Variants in AFF3 observed in about 807,000 individuals in gnomAD.
The protein encoded by AFF3 is AF4/FMR2 family member 3.
A neutral mutation model predicts 129.7 loss-of-function variants in AFF3; 32 were observed. The ratio of observed to expected loss-of-function variants is 0.25; its 90% CI spans 0.19 to 0.33. The LOEUF is 0.33. Ranked by LOEUF, AFF3 falls within the 10% of genes least tolerant of loss-of-function variation. The pLI is 1.00. For synonymous variants in AFF3, 644 were observed against 635.4 expected (o/e 1.01, Z -0.20); for missense variants, 1,373 against 1,592.0 (o/e 0.86, Z 2.34).
intron 17 of AFF3, among the ~76,000 whole-genome samples, chr2:99,581,729 T>C (rs933506522): frequency 3.3e-5 from 5 of 151,428 alleles, no homozygotes; most frequent in African/African-American, 4.9e-5. Context: ...AGGGGAGGGT[T>C]TGGAAGTAAC....
intron 13 of AFF3, among the ~76,000 whole-genome samples, chr2:99,636,639 C>CT (rs1301541479): frequency 6.6e-6 from 1 of 152,140 alleles, no homozygotes; most frequent in East Asian, 1.9e-4. Context: ...ATGCAGATGG[C>CT]TGGAGTCTGA....
At chr2:99,994,053 G>A (rs564711500) in intron 7 of AFF3, among the ~76,000 whole-genome samples, 6 of 151,750 alleles carry the variant, frequency 4.0e-5, no homozygotes, top group South Asian at 2.1e-4. Context: ...TGATCCACCC[G>A]CCTCAGCCTC....
chr2:99,637,500 A>G (rs1683774997), intron 13 of AFF3, among the ~76,000 whole-genome samples: 1 of 152,194 alleles, frequency 6.6e-6, no homozygotes. Flanking sequence ...GATCTGGCTC[A>G]ATGAGAATGG....
At chr2:99,607,296 G>T (rs1479715924) in intron 13 of AFF3, among the ~76,000 whole-genome samples, 1 of 152,138 alleles carries the variant, frequency 6.6e-6, no homozygotes, top group Non-Finnish European at 1.5e-5. Flanking sequence ...ACTTTGGGAG[G>T]CTGAGGCAGG....
chr2:99,988,163 G>C (rs1559035689), intron 7 of AFF3, among the ~76,000 whole-genome samples: 1 of 152,208 alleles, frequency 6.6e-6, no homozygotes, highest in Non-Finnish European at 1.5e-5. Context: ...CAACAGAGAA[G>C]CCAGGGAGTG....
intron 4 of AFF3, among the ~76,000 whole-genome samples, chr2:100,017,517 G>A (rs1683234058): frequency 6.6e-6 from 1 of 152,128 alleles, no homozygotes; most frequent in South Asian, 2.1e-4. Context: ...AACCACTTCT[G>A]TACTCTATCT....
intron 1 of AFF3, among the ~76,000 whole-genome samples, chr2:100,135,541 C>T (rs1462569519): frequency 6.6e-6 from 1 of 152,146 alleles, no homozygotes; most frequent in East Asian, 1.9e-4. Context: ...AGAGAGCGCC[C>T]AAGGAGCTCC....
intron 4 of AFF3, among the ~76,000 whole-genome samples, chr2:100,009,159 G>T (rs1682272287): frequency 6.6e-6 from 1 of 152,164 alleles, no homozygotes; most frequent in South Asian, 2.1e-4. Flanking sequence ...CCAGTACTAG[G>T]TTTCTCTTCC....
At chr2:99,789,585 T>A (rs1685053764) in intron 8 of AFF3, among the ~76,000 whole-genome samples, 1 of 151,466 alleles carries the variant, frequency 6.6e-6, no homozygotes, top group Non-Finnish European at 1.5e-5. Context: ...CCACCAGGCC[T>A]CTCTGCATCC....
intron 7 of AFF3, among the ~76,000 whole-genome samples, chr2:99,868,400 C>A (rs1165144202): frequency 6.6e-6 from 1 of 152,144 alleles, no homozygotes; most frequent in Non-Finnish European, 1.5e-5. Flanking sequence ...TGAAATCCAA[C>A]ATCAGGCCGG....
chr2:99,651,027 G>T (rs1401406172), intron 12 of AFF3, among the ~76,000 whole-genome samples: 1 of 151,922 alleles, frequency 6.6e-6, no homozygotes, highest in Non-Finnish European at 1.5e-5. Flanking sequence ...TACAAAATTA[G>T]ATGGGCATGG....
intron 4 of AFF3, among the ~76,000 whole-genome samples, chr2:100,059,281 C>CAAAAAAAAAAAAA (rs1687052694): frequency 1.2e-5 from 1 of 82,366 alleles, no homozygotes; most frequent in Non-Finnish European, 2.4e-5. Context: ...AAAAAAAAAG[C>CAAAAAAAAAAAAA]AATGGATCTC....
At chr2:99,716,262 T>C (rs1006599812) in intron 11 of AFF3, among the ~76,000 whole-genome samples, 3 of 152,190 alleles carry the variant, frequency 2.0e-5, no homozygotes, top group African/African-American at 7.2e-5. Context: ...CAGGCATTAT[T>C]TCAATTACTT....
intron 4 of AFF3, among the ~76,000 whole-genome samples, chr2:100,063,090 A>C (rs1331129137): frequency 2.0e-5 from 3 of 152,116 alleles, no homozygotes; most frequent in Non-Finnish European, 4.4e-5. Flanking sequence ...GTCTCTACTA[A>C]AAATACAAAA....
chr2:99,671,577 G>A (rs1020097230), intron 12 of AFF3, among the ~76,000 whole-genome samples: 1 of 151,876 alleles, frequency 6.6e-6, no homozygotes, highest in African/African-American at 2.4e-5. Context: ...ATTTGTATTT[G>A]CATGTCTAGA....
At chr2:99,955,150 AG>A (rs1268372727) in intron 7 of AFF3, among the ~76,000 whole-genome samples, 1 of 152,188 alleles carries the variant, frequency 6.6e-6, no homozygotes, top group Non-Finnish European at 1.5e-5. Flanking sequence ...AGGGAAGTAT[AG>A]TGTTTAGAAA....
intron 4 of AFF3, among the ~76,000 whole-genome samples, chr2:100,041,523 G>A (rs1310647798): frequency 2.6e-5 from 4 of 151,818 alleles, no homozygotes; most frequent in South Asian, 2.1e-4. Context: ...AAGCCCCCAC[G>A]TGCCCCCAAA....
chr2:99,793,026 C>T (rs138934412), intron 8 of AFF3, among the ~76,000 whole-genome samples: 61 of 152,262 alleles, frequency 4.0e-4, no homozygotes, highest in African/African-American at 1.4e-3. Flanking sequence ...TATTTGTCCC[C>T]TTCAAATCTC....
At chr2:99,650,747 A>G (rs1401589905) in intron 12 of AFF3, among the ~76,000 whole-genome samples, 2 of 151,302 alleles carry the variant, frequency 1.3e-5, no homozygotes, top group South Asian at 4.2e-4. Context: ...TTCATTTTGT[A>G]TTGAAAATGT....
Sources: allele counts gnomAD v4.1 joint callset (sites outside exome capture counted in the v4.1 genomes callset), GRCh38; gene constraint gnomAD v4.1.1; transcripts MANE v1.5; gene names NCBI Gene and HGNC (gene_info 2026-07-23, HGNC 2026-07-21).